EYS: variants seen among roughly 807,000 people sequenced by gnomAD.
EYS encodes protein eyes shut homolog.
A neutral mutation model predicts 282.1 loss-of-function variants in EYS; 250 were observed. The ratio of observed to expected loss-of-function variants is 0.89; its 90% CI spans 0.80 to 0.98. EYS has a LOEUF of 0.98. Ranked by LOEUF, EYS falls within the 50% of genes least tolerant of loss-of-function variation. The probability of loss-of-function intolerance (pLI) is 0.00; values close to 1 mark genes in which losing one functional copy is unlikely to be tolerated. For missense variants in EYS, 4,016 were observed against 3,709.0 expected (o/e 1.08, Z -2.15); for synonymous variants, 1,355 against 1,282.9 (o/e 1.06, Z -1.20).
At chr6:64,235,908 G>A (rs1169395963) in intron 30 of EYS, among the ~76,000 whole-genome samples, 2 of 152,188 alleles carry the variant, frequency 1.3e-5, no homozygotes, top group Admixed American at 6.6e-5. Context: ...GGAGGAACTG[G>A]TACCATTCCT....
chr6:64,265,902 T>A (rs1333948243), intron 30 of EYS, among the ~76,000 whole-genome samples: 1 of 152,154 alleles, frequency 6.6e-6, no homozygotes, highest in Non-Finnish European at 1.5e-5. Context: ...TATGACCATA[T>A]CTTTGCTCTA....
chr6:65,653,392 T>C (rs1422632450), intron 1 of EYS, among the ~76,000 whole-genome samples: 1 of 151,916 alleles, frequency 6.6e-6, no homozygotes, highest in Non-Finnish European at 1.5e-5. Flanking sequence ...AAAGTAACAA[T>C]GAAGATAAAA....
intron 36 of EYS, among the ~76,000 whole-genome samples, chr6:63,838,874 C>T (rs557582120): frequency 5.3e-4 from 81 of 152,238 alleles, no homozygotes; most frequent in Non-Finnish European, 9.1e-4. Flanking sequence ...CATATATTTC[C>T]ATGAGTTTGA....
intron 26 of EYS, among the ~76,000 whole-genome samples, chr6:64,444,691 T>C (rs1775063037): frequency 6.6e-6 from 1 of 152,152 alleles, no homozygotes. Context: ...CCCCTCCAAA[T>C]CCCATGTGGA....
At chr6:64,670,444 AATG>A (rs1380170322) in intron 22 of EYS, among the ~76,000 whole-genome samples, 3 of 133,296 alleles carry the variant, frequency 2.3e-5, no homozygotes, top group African/African-American at 6.0e-5. Flanking sequence ...TAAATAAATA[AATG>A]AAAAAAAAAC....
intron 31 of EYS, among the ~76,000 whole-genome samples, chr6:64,172,995 C>A (rs1764528109): frequency 6.6e-6 from 1 of 152,144 alleles, no homozygotes; most frequent in South Asian, 2.1e-4. Context: ...CTGCTTTATT[C>A]AAGAGACCAA....
At chr6:64,250,718 A>C (rs953676091) in intron 30 of EYS, among the ~76,000 whole-genome samples, 12 of 152,306 alleles carry the variant, frequency 7.9e-5, no homozygotes, top group African/African-American at 2.9e-4. Flanking sequence ...AAAAACTAGA[A>C]TCCAAATGGG....
chr6:65,305,249 G>T (rs1768970820), intron 11 of EYS, among the ~76,000 whole-genome samples: 1 of 152,174 alleles, frequency 6.6e-6, no homozygotes, highest in African/African-American at 2.4e-5. Context: ...AAGTGAAAGG[G>T]TGCAAGCAAA....
In EYS at chr6:63,958,903, G is replaced by A. The variant is rs377025771; in HGVS notation, c.7055+25480C>T. Among the ~76,000 whole-genome samples the A allele has an allele frequency of 4.6e-5, 7 of 152,308 alleles. No individual in the cohort carries two copies. The East Asian group carries it at 7.7e-4, about 17-fold the overall frequency. ...AGATTCCCTTTGAAATGTGTTCGCT[G>A]ACAATGCACCTGGACACTCAAGAGT... On this transcript the variant is annotated intron_variant, in intron 35 of 42. Coordinates refer to ENST00000503581, the MANE Select transcript of EYS (RefSeq NM_001142800.2).
chr6:64,062,816 G>C (rs3003686), intron 33 of EYS, among the ~76,000 whole-genome samples: 17,863 of 151,494 alleles, frequency 0.12, 2,070 homozygotes, highest in African/African-American at 0.3. Context: ...TTTCTTTCAT[G>C]TTACATTTTT....
intron 31 of EYS, among the ~76,000 whole-genome samples, chr6:64,204,780 C>G (rs1471915518): frequency 6.6e-6 from 1 of 152,126 alleles, no homozygotes; most frequent in Non-Finnish European, 1.5e-5. Context: ...TAAGTTCATG[C>G]ATTTGTTGAA....
At position 64,589,043 on chromosome 6, in the gene EYS, G is replaced by A. The variant is rs9452073; in HGVS notation, c.5644+1180C>T. 6.8e-3 allele frequency among the ~76,000 whole-genome samples: 1,031 copies of A among 152,100 alleles called. 16 individuals are homozygous for A. The highest frequency in any genetic ancestry group is 0.024 in the African/African-American group (989 of 41,512). On this transcript the variant is annotated intron_variant, in intron 26 of 42. Transcript: ENST00000503581. ...GGTGGCTATGGGATGAATTGTTTGA[G>A]AGACGTTTTAACTCTGCTACATTTA...
chr6:65,225,002 T>A lies in EYS; in HGVS notation c.2023+70861A>T, dbSNP rs535671. On this transcript the variant is annotated intron_variant, in intron 12 of 42. Coordinates refer to ENST00000503581, the MANE Select transcript of EYS (RefSeq NM_001142800.2). ...GAACATTTAAAGAAAGTTTTTCAGA[T>A]AATATCAGAAATTTTCAGATAATAT... 2.0e-5 allele frequency among the ~76,000 whole-genome samples: 3 copies of A among 152,124 alleles called. No homozygotes were observed. In the South Asian group the frequency reaches 6.2e-4, roughly 32 times the overall value.
At chr6:64,267,485 C>G (rs796329490) in intron 30 of EYS, among the ~76,000 whole-genome samples, 2 of 152,184 alleles carry the variant, frequency 1.3e-5, no homozygotes, top group African/African-American at 4.8e-5. Flanking sequence ...AAGCTTCATT[C>G]TTCCTGCTAG....
intron 35 of EYS, among the ~76,000 whole-genome samples, chr6:63,975,372 A>G (rs892111278): frequency 7.2e-5 from 11 of 152,010 alleles, no homozygotes; most frequent in African/African-American, 2.7e-4. Flanking sequence ...GATTGATGGT[A>G]TGAAGGACAC....
intron 11 of EYS, among the ~76,000 whole-genome samples, chr6:65,317,081 A>T (rs1769314757): frequency 6.6e-6 from 1 of 152,034 alleles, no homozygotes; most frequent in Non-Finnish European, 1.5e-5. Context: ...TGTAAGGCTT[A>T]GCAATTAGGA....
intron 29 of EYS, among the ~76,000 whole-genome samples, chr6:64,373,002 ACTCT>A (rs761246033): frequency 2.4e-4 from 36 of 151,444 alleles, no homozygotes; most frequent in Non-Finnish European, 4.4e-4. Context: ...TTGGGTTTTG[ACTCT>A]CTCCTGTATG....
intron 26 of EYS, among the ~76,000 whole-genome samples, chr6:64,556,830 C>A (rs1330296323): frequency 6.6e-6 from 1 of 151,688 alleles, no homozygotes; most frequent in Non-Finnish European, 1.5e-5. Context: ...TCACTGAAAA[C>A]CAAGGACAAT....
intron 30 of EYS, among the ~76,000 whole-genome samples, chr6:64,305,334 C>A (rs1769399365): frequency 7.2e-6 from 1 of 138,334 alleles, no homozygotes; most frequent in African/African-American, 2.7e-5. Context: ...TTGGTGCAAT[C>A]CCCAACAAAA....
Sources: gnomAD v4.1 joint callset for allele counts (sites outside exome capture counted in the v4.1 genomes callset) on GRCh38, gnomAD v4.1.1 for gene constraint, MANE v1.5 for transcripts, NCBI Gene and HGNC (gene_info 2026-07-23, HGNC 2026-07-21) for gene names.